The following HAO1 variants were observed in gnomAD, a reference collection of about 807,000 sequenced individuals.
The protein encoded by HAO1 is 2-Hydroxyacid oxidase 1.
Under a neutral mutation model 39.7 loss-of-function variants are expected in HAO1, and 34 were observed. The observed-to-expected ratio is 0.86, with a 90% CI of 0.65 to 1.14. The LOEUF is 1.14. HAO1 is among the 50% of genes most tolerant of loss of function. HAO1 has a pLI of 0.00. For synonymous variants in HAO1, 172 were observed against 173.2 expected, an observed-to-expected ratio of 0.99 and a Z score of 0.05; for missense variants, 479 against 464.5, an observed-to-expected ratio of 1.03 and a Z score of -0.29.
At position 7,929,814 on chromosome 20, in the gene HAO1, AGAT is replaced by A. The variant is rs569021384; in HGVS notation, c.289+4667_289+4669del. On this transcript the variant is annotated intron_variant, in intron 2 of 7. Transcript: ENST00000378789. Reference sequence around the variant, plus strand: ...GGGAGGCAGAGGTTGCAGTGAGCTGAGATAGTGCCACTGCACTCCAGTCTGGTG... The same window carrying A: ...GGGAGGCAGAGGTTGCAGTGAGCTGAAGTGCCACTGCACTCCAGTCTGGTG... Among the ~76,000 whole-genome samples, 186 of 152,256 alleles carry A rather than the reference AGAT, an allele frequency of 1.2e-3. 1 individual carries two copies. The highest frequency in any genetic ancestry group is 4.1e-3 in the African/African-American group (169 of 41,550).
intron 4 of HAO1, among the ~76,000 whole-genome samples, chr20:7,905,363 G>GAA (rs1336618394): frequency 6.6e-6 from 1 of 152,070 alleles, no homozygotes; most frequent in African/African-American, 2.4e-5. Flanking sequence ...TAAAATCTAT[G>GAA]AAAAAGTTTT....
intron 4 of HAO1, among the ~76,000 whole-genome samples, 159 bp downstream of exon 4, chr20:7,905,995 A>T (rs538476565): frequency 6.6e-6 from 1 of 152,320 alleles, no homozygotes; most frequent in East Asian, 1.9e-4. Flanking sequence ...GAATGAAGAA[A>T]TATTTACTCA....
intron 1 of HAO1, among the ~76,000 whole-genome samples, chr20:7,939,578 C>G (rs1300495999): frequency 2.0e-5 from 3 of 152,122 alleles, no homozygotes; most frequent in Admixed American, 6.6e-5. Flanking sequence ...GCACTCCTCT[C>G]TTGCTCCAGC....
chr20:7,938,539 G>T (rs1338686233), intron 1 of HAO1, among the ~76,000 whole-genome samples: 3 of 152,174 alleles, frequency 2.0e-5, no homozygotes, highest in East Asian at 3.9e-4. Flanking sequence ...TTCACATAAG[G>T]CATGAGGCAC....
At chr20:7,883,996 C>G (rs1600103201) in intron 7 of HAO1, among the ~76,000 whole-genome samples, 1 of 152,324 alleles carries the variant, frequency 6.6e-6, no homozygotes, top group East Asian at 1.9e-4. Flanking sequence ...TGTTGAGGCT[C>G]TGTCTGCAGA....
intron 2 of HAO1, among the ~76,000 whole-genome samples, chr20:7,924,834 C>T (rs1377178717): frequency 6.6e-6 from 1 of 152,050 alleles, no homozygotes; most frequent in African/African-American, 2.4e-5. Context: ...AAAGCTCCTA[C>T]AAAACTTAGT....
Position 7,940,307 on chromosome 20 carries a change from T to G in HAO1, c.116A>C (p.Asp39Ala), listed in dbSNP as rs138251054. The change falls in exon 1 of 8, where the codon GAT becomes GCT. Residue 39 changes from aspartate to alanine, a missense_variant. Physicochemically the swap from Asp to Ala is moderately radical, Grantham distance 126. Transcript: ENST00000378789. ...SGANDEETLADNIAAFSRWKL... is the reference protein window; with the variant it reads ...SGANDEETLAANIAAFSRWKL... The stretch of plus-strand genomic sequence containing the variant: ...TTACCTGGAAAATGCTGCAATATTA[T>G]CAGCCAAAGTTTCTTCATCATTTGC... The G allele has an allele frequency of 3.1e-6, 5 of 1,605,176 alleles. No homozygotes were observed. In the African/African-American group the frequency reaches 5.4e-5, roughly 17 times the overall value.
At chr20:7,925,736 T>C (rs758671908) in intron 2 of HAO1, among the ~76,000 whole-genome samples, 6 of 152,166 alleles carry the variant, frequency 3.9e-5, no homozygotes, top group Non-Finnish European at 8.8e-5. Flanking sequence ...CACTGTCACA[T>C]TTTAATGTCA....
chr20:7,908,701 A>G (rs2050261145), intron 3 of HAO1, among the ~76,000 whole-genome samples: 1 of 152,192 alleles, frequency 6.6e-6, no homozygotes, highest in African/African-American at 2.4e-5. Flanking sequence ...ATTGAGTCAT[A>G]TGGATGCCCA....
rs565100834 is a variant in HAO1, at chr20:7,913,175, T to G, written c.545+989A>C. 4.0e-3 allele frequency among the ~76,000 whole-genome samples: 598 copies of G among 151,122 alleles called. 3 individuals are homozygous for G. The highest frequency in any genetic ancestry group is 8.4e-3 in the African/African-American group (346 of 41,232). ...TTTGCTAGCCCTAGTTTTTTGTTTT[T>G]TTTTTTTTTTCCAAATACAATTCAA... On this transcript the variant is annotated intron_variant, in intron 3 of 7. Transcript: ENST00000378789.
intron 4 of HAO1, among the ~76,000 whole-genome samples, chr20:7,903,655 T>A (rs2050232673): frequency 6.7e-6 from 1 of 150,062 alleles, no homozygotes; most frequent in Non-Finnish European, 1.5e-5. Context: ...ATGATAGCAG[T>A]GGTGGTGGTG....
intron 4 of HAO1, among the ~76,000 whole-genome samples, chr20:7,898,110 C>T (rs2050205502): frequency 6.6e-6 from 1 of 152,140 alleles, no homozygotes; most frequent in Non-Finnish European, 1.5e-5. Context: ...ATTGAGAAGT[C>T]AGTGCCAAGT....
intron 2 of HAO1, among the ~76,000 whole-genome samples, chr20:7,917,732 A>G (rs2050313753): frequency 6.6e-6 from 1 of 152,216 alleles, no homozygotes; most frequent in Admixed American, 6.5e-5. Flanking sequence ...CATGTAGTCA[A>G]GCAGCAGCTC....
intron 5 of HAO1, among the ~76,000 whole-genome samples, chr20:7,890,020 C>T (rs531256280): frequency 6.6e-6 from 1 of 152,082 alleles, no homozygotes; most frequent in Non-Finnish European, 1.5e-5. Flanking sequence ...CAGCCTCCCC[C>T]AAGACCTTTA....
intron 4 of HAO1, among the ~76,000 whole-genome samples, chr20:7,896,805 A>G (rs2122758306): frequency 6.6e-6 from 1 of 152,252 alleles, no homozygotes; most frequent in Admixed American, 6.5e-5. Context: ...GATCTAACCT[A>G]TTAGGTCACC....
At chr20:7,887,509 C>G (rs1264733489) in intron 5 of HAO1, among the ~76,000 whole-genome samples, 1 of 152,168 alleles carries the variant, frequency 6.6e-6, no homozygotes, top group African/African-American at 2.4e-5. Flanking sequence ...TCCCTTTTAG[C>G]TTTTCTGCCT....
chr20:7,901,334 C>A (rs2050220419), intron 4 of HAO1, among the ~76,000 whole-genome samples: 1 of 152,114 alleles, frequency 6.6e-6, no homozygotes, highest in African/African-American at 2.4e-5. Flanking sequence ...CTTCCTCATA[C>A]TGGAAGAAGA....
Position 7,936,556 on chromosome 20 carries a change from GC to G in HAO1, c.138-1922del, listed in dbSNP as rs1568522226. 4.4e-4 allele frequency among the ~76,000 whole-genome samples: 64 copies of G among 146,194 alleles called. 1 individual carries two copies. Among genetic ancestry groups the G allele is most frequent in the African/African-American group, 1.5e-3 (61 of 40,570 alleles). On this transcript the variant is annotated intron_variant, in intron 1 of 7. Transcript: ENST00000378789. ...TGTGTGTGTGTGTGTGTTCGCGCGC[GC>G]GCGCGCGCGTGCGTGCCAAAAGGGA...
intron 2 of HAO1, among the ~76,000 whole-genome samples, chr20:7,930,823 A>G (rs1198400391): frequency 2.0e-5 from 3 of 152,204 alleles, no homozygotes; most frequent in Admixed American, 1.3e-4. Flanking sequence ...ATGTTGCAAC[A>G]GATAATGTCA....
Sources: allele counts gnomAD v4.1 joint callset (sites outside exome capture counted in the v4.1 genomes callset), GRCh38; gene constraint gnomAD v4.1.1; transcripts MANE v1.5; gene names NCBI Gene and HGNC (gene_info 2026-07-23, HGNC 2026-07-21).